Variants in GRIN2B observed in about 807,000 individuals in gnomAD.
GRIN2B encodes the protein glutamate ionotropic receptor NMDA type subunit 2B, also known as glutamate receptor ionotropic, NMDA 2B.
GRIN2B carries 5 observed loss-of-function variants against 114.5 expected under a neutral mutation model. The observed-to-expected ratio is 0.04, with a 90% CI of 0.02 to 0.09. GRIN2B has a LOEUF of 0.09. Ranked by LOEUF, GRIN2B falls within the 10% of genes least tolerant of loss-of-function variation. The probability of loss-of-function intolerance (pLI) is 1.00; values close to 1 mark genes in which losing one functional copy is unlikely to be tolerated. For synonymous variants in GRIN2B, 787 were observed against 745.1 expected, an observed-to-expected ratio of 1.06 and a Z score of -0.92; for missense variants, 1,108 against 1,943.5, an observed-to-expected ratio of 0.57 and a Z score of 8.08.
chr12:13,825,496 T>TTTTTTTTGTGTGTG (rs375940899), intron 3 of GRIN2B, among the ~76,000 whole-genome samples: 1,481 of 122,928 alleles, frequency 0.012, 57 homozygotes, highest in African/African-American at 0.044. Context: ...TATATATATT[T>TTTTTTTTGTGTGTG]TGTGTGTGTG....
At chr12:13,899,557 GTAAC>G (rs1866409775) in intron 2 of GRIN2B, among the ~76,000 whole-genome samples, 1 of 143,698 alleles carries the variant, frequency 7.0e-6, no homozygotes, top group Admixed American at 6.9e-5. Flanking sequence ...GTAGTAAAAA[GTAAC>G]TGACACACAT....
intron 2 of GRIN2B, among the ~76,000 whole-genome samples, chr12:13,933,693 G>C (rs1867078994): frequency 6.6e-6 from 1 of 152,200 alleles, no homozygotes; most frequent in Non-Finnish European, 1.5e-5. Context: ...AACCAGGAAA[G>C]TAAAGTAGAG....
chr12:13,775,731 T>G (rs559658626), intron 3 of GRIN2B, among the ~76,000 whole-genome samples: 1 of 152,346 alleles, frequency 6.6e-6, no homozygotes, highest in South Asian at 2.1e-4. Flanking sequence ...TTCTTTTAAA[T>G]TTTCACTAAT....
At chr12:13,629,024 C>T (rs921078074) in intron 5 of GRIN2B, among the ~76,000 whole-genome samples, 1 of 151,924 alleles carries the variant, frequency 6.6e-6, no homozygotes. Context: ...GAAGCCTAGA[C>T]CACAAAGAAA....
At position 13,546,048 on chromosome 12, in the gene GRIN2B, A is replaced by C. The variant is rs1948337075; in HGVS notation, c.*16735T>G. The C allele has an allele frequency of 6.6e-6, 1 of 152,216 alleles. No individual in the cohort carries two copies. The highest frequency in any genetic ancestry group is 1.5e-5 in the Non-Finnish European group (1 of 68,042). 9.4% of individuals were successfully genotyped at this position (152,216 alleles called of 1,614,324 possible). On this transcript the variant is annotated 3_prime_UTR_variant, in exon 14 of 14. Transcript: ENST00000609686. ...CCTAGTGATTTCACTGGAGATGGGA[A>C]GATATAATTTTATTTAACAGATTTT...
At chr12:13,845,990 TTTC>T (rs1229168454) in intron 3 of GRIN2B, among the ~76,000 whole-genome samples, 1 of 152,208 alleles carries the variant, frequency 6.6e-6, no homozygotes, top group East Asian at 1.9e-4. Flanking sequence ...TTTTGATGGC[TTTC>T]CACCTATTTA....
At chr12:13,657,784 TA>T (rs1452081985) in intron 5 of GRIN2B, among the ~76,000 whole-genome samples, 1 of 152,248 alleles carries the variant, frequency 6.6e-6, no homozygotes, top group Non-Finnish European at 1.5e-5. Flanking sequence ...TAATAGTAGA[TA>T]AATGGTTAGT....
chr12:13,800,113 T>C (rs1418826217), intron 3 of GRIN2B, among the ~76,000 whole-genome samples: 3 of 152,168 alleles, frequency 2.0e-5, no homozygotes, highest in Non-Finnish European at 2.9e-5. Context: ...GAATCACTGA[T>C]AATTCACCCC....
chr12:13,744,718 C>T (rs928596565), intron 4 of GRIN2B, among the ~76,000 whole-genome samples: 3 of 152,148 alleles, frequency 2.0e-5, no homozygotes, highest in Admixed American at 6.5e-5. Flanking sequence ...ATTTCAGCAG[C>T]GGGAAGCCCT....
At chr12:13,812,870 G>C (rs1864758284) in intron 3 of GRIN2B, among the ~76,000 whole-genome samples, 1 of 151,830 alleles carries the variant, frequency 6.6e-6, no homozygotes, top group African/African-American at 2.4e-5. Flanking sequence ...ATGAATCATG[G>C]CAAACTTGTA....
intron 9 of GRIN2B, among the ~76,000 whole-genome samples, chr12:13,610,433 T>G (rs1162398322): frequency 6.6e-6 from 1 of 152,190 alleles, no homozygotes; most frequent in Non-Finnish European, 1.5e-5. Context: ...ATTGCCAACC[T>G]AAGTATATAC....
chr12:13,874,788 G>A (rs1865970055), intron 2 of GRIN2B, among the ~76,000 whole-genome samples: 1 of 152,150 alleles, frequency 6.6e-6, no homozygotes, highest in African/African-American at 2.4e-5. Flanking sequence ...AGAAGCACAG[G>A]AGCAGGGCAG....
intron 4 of GRIN2B, among the ~76,000 whole-genome samples, chr12:13,712,379 TA>T (rs1422707084): frequency 1.3e-5 from 2 of 150,980 alleles, no homozygotes; most frequent in South Asian, 2.1e-4. Context: ...TAAAGTATAA[TA>T]AAAAACAAAT....
At position 13,660,244 on chromosome 12, in the gene GRIN2B, G is replaced by A. The variant is rs376968864; in HGVS notation, c.1125+15501C>T. Among the ~76,000 whole-genome samples, 147 of 152,284 alleles carry A rather than the reference G, an allele frequency of 9.7e-4. 1 individual carries two copies. Among genetic ancestry groups the A allele is most frequent in the African/African-American group, 3.1e-3 (130 of 41,566 alleles). ...GGGGGAGAGGACCACACACAGGCAT[G>A]AATAACACGAAGTACAATCTTTGGG... On this transcript the variant is annotated intron_variant, in intron 5 of 13. Transcript: ENST00000609686.
At chr12:13,962,486 G>A (rs1867712200) in intron 2 of GRIN2B, among the ~76,000 whole-genome samples, 2 of 152,144 alleles carry the variant, frequency 1.3e-5, no homozygotes, top group South Asian at 2.1e-4. Context: ...AGTAGGCACC[G>A]TACTACAAAT....
At chr12:13,626,111 C>G (rs1028286212) in intron 5 of GRIN2B, among the ~76,000 whole-genome samples, 1 of 152,138 alleles carries the variant, frequency 6.6e-6, no homozygotes, top group African/African-American at 2.4e-5. Flanking sequence ...CAGTGAGAAC[C>G]GAGCTCTACC....
intron 10 of GRIN2B, among the ~76,000 whole-genome samples, chr12:13,599,061 A>G (rs984317682): frequency 6.6e-6 from 1 of 152,194 alleles, no homozygotes; most frequent in Non-Finnish European, 1.5e-5. Flanking sequence ...CCTGAAGCCA[A>G]TGCTCCTGAT....
At chr12:13,732,612 T>A (rs984434981) in intron 4 of GRIN2B, among the ~76,000 whole-genome samples, 2 of 152,210 alleles carry the variant, frequency 1.3e-5, no homozygotes, top group African/African-American at 4.8e-5. Context: ...TATTTCATGT[T>A]TACTCAACAT....
intron 4 of GRIN2B, among the ~76,000 whole-genome samples, chr12:13,690,058 T>C (rs986899245): frequency 1.5e-4 from 23 of 152,208 alleles, no homozygotes; most frequent in African/African-American, 5.3e-4. Flanking sequence ...ACTTAATTTT[T>C]TACTTGTCTG....
Sources: allele counts gnomAD v4.1 joint callset (sites outside exome capture counted in the v4.1 genomes callset), GRCh38; gene constraint gnomAD v4.1.1; transcripts MANE v1.5; gene names NCBI Gene and HGNC (gene_info 2026-07-23, HGNC 2026-07-21).